TRIM36: variants seen among roughly 807,000 people sequenced by gnomAD.
TRIM36 encodes the protein tripartite motif containing 36, also known as E3 ubiquitin-protein ligase TRIM36.
Under a neutral mutation model 72.4 loss-of-function variants are expected in TRIM36, and 42 were observed. The ratio of observed to expected loss-of-function variants is 0.58; its 90% CI spans 0.45 to 0.75. The LOEUF (loss-of-function observed/expected upper bound fraction) is 0.75, where lower values mean the gene tolerates loss of function less well. Ranked by LOEUF, TRIM36 falls within the 30% of genes least tolerant of loss-of-function variation. The pLI is 0.00. For synonymous variants in TRIM36, 315 were observed against 282.8 expected (o/e 1.11, Z -1.14); for missense variants, 913 against 857.1 (o/e 1.07, Z -0.81).
intron 1 of TRIM36, among the ~76,000 whole-genome samples, chr5:115,178,094 T>G (rs1277482966): frequency 6.6e-6 from 1 of 152,170 alleles, no homozygotes; most frequent in Non-Finnish European, 1.5e-5. Context: ...GTCGGCTTCA[T>G]GGTCACCTGG....
intron 2 of TRIM36, among the ~76,000 whole-genome samples, chr5:115,158,489 C>T (rs1295952500): frequency 6.6e-6 from 1 of 152,150 alleles, no homozygotes; most frequent in Non-Finnish European, 1.5e-5. Context: ...AAACCTCTGC[C>T]GGTTGCATCC....
intron 8 of TRIM36, among the ~76,000 whole-genome samples, chr5:115,131,611 C>T (rs1343061719): frequency 6.6e-6 from 1 of 152,110 alleles, no homozygotes; most frequent in East Asian, 1.9e-4. Flanking sequence ...TATATACATA[C>T]AATGGAATAT....
At chr5:115,163,028 G>A (rs1754567137) in intron 2 of TRIM36, among the ~76,000 whole-genome samples, 1 of 151,560 alleles carries the variant, frequency 6.6e-6, no homozygotes, top group African/African-American at 2.4e-5. Context: ...CGCGATCTCG[G>A]CTCACTGCAA....
chr5:115,148,255 G>T (rs780838671), intron 2 of TRIM36: 95 of 812,596 alleles, frequency 1.2e-4, no homozygotes, highest in Non-Finnish European at 1.3e-4. Context: ...ATAAAACAAT[G>T]AATGACCTTA....
upstream of TRIM36, among the ~76,000 whole-genome samples, chr5:115,174,775 C>G (rs1755262034): frequency 6.6e-6 from 1 of 152,144 alleles, no homozygotes; most frequent in African/African-American, 2.4e-5. Context: ...GTTTTGTCTT[C>G]TCGACCATTT....
intron 2 of TRIM36, among the ~76,000 whole-genome samples, chr5:115,158,842 T>A (rs1384897458): frequency 6.6e-6 from 1 of 152,166 alleles, no homozygotes; most frequent in African/African-American, 2.4e-5. Context: ...CTCAAAAACC[T>A]GTAAGAAAAA....
chr5:115,148,415 CTTTTTTTTTTTTTT>C (rs146223001), intron 2 of TRIM36: 294 of 507,212 alleles, frequency 5.8e-4, no homozygotes, highest in Non-Finnish European at 6.4e-4. Flanking sequence ...TAAATCTGTT[CTTTTTTTTTTTTTT>C]TTTTTTTTTA....
upstream of TRIM36, among the ~76,000 whole-genome samples, chr5:115,172,682 G>C (rs1159365235): frequency 1.3e-5 from 2 of 151,862 alleles, no homozygotes; most frequent in Non-Finnish European, 1.5e-5. Context: ...GTTGCAGTGA[G>C]CCAAGATCGT....
intron 9 of TRIM36, among the ~76,000 whole-genome samples, chr5:115,127,490 A>G (rs1752419911): frequency 6.6e-6 from 1 of 152,184 alleles, no homozygotes; most frequent in Admixed American, 6.5e-5. Context: ...GAACCCAGGA[A>G]GCAGAAGTTG....
At chr5:115,149,000 G>C (rs1377383004) in intron 2 of TRIM36, 1 of 152,148 alleles carries the variant, frequency 6.6e-6, no homozygotes, top group Non-Finnish European at 1.5e-5. Flanking sequence ...TGGAAGTGAT[G>C]TTAATAGCAT....
rs548554163 is a variant in TRIM36 at position 115,169,708 on chromosome 5, G to A, written c.-74C>T. The A allele has an allele frequency of 8.7e-6, 13 of 1,492,674 alleles. 1 individual carries two copies. The East Asian group carries it at 3.1e-4, about 36-fold the overall frequency. 92.5% of individuals were successfully genotyped at this position (1,492,674 alleles called of 1,614,324 possible). A position where few individuals can be genotyped will look rare whatever the true frequency, so the allele number is the denominator to read the frequency against. On this transcript the variant is annotated 5_prime_UTR_variant, in exon 1 of 10. Coordinates refer to ENST00000513154, the MANE Select transcript of TRIM36 (RefSeq NM_001300759.2). ...CTACCGAGCGCAGGGTCTGGTGGGC[G>A]GGTCCCTGCGGCGGCCGTGGAGCCT...
chr5:115,150,745 T>C (rs1169831673), intron 2 of TRIM36, among the ~76,000 whole-genome samples: 2 of 152,106 alleles, frequency 1.3e-5, no homozygotes, highest in Non-Finnish European at 2.9e-5. Flanking sequence ...GAAAGGGAGA[T>C]TGTCTGCCCC....
At chr5:115,180,129 G>A in exon 1 of TRIM36, 1 of 1,286,668 alleles carries the variant, frequency 7.8e-7, no homozygotes, top group Non-Finnish European at 1.1e-6. Flanking sequence ...TCTGAGTTTT[G>A]CCGAGCTCCC....
chr5:115,180,245 G>T (rs1755558911), upstream of TRIM36: 1 of 497,194 alleles, frequency 2.0e-6, no homozygotes, highest in Non-Finnish European at 3.5e-6. Context: ...GCCTCGCCCG[G>T]CTTGCTAGGA....
intron 5 of TRIM36, among the ~76,000 whole-genome samples, chr5:115,140,958 A>T (rs193165716): frequency 6.6e-6 from 1 of 152,298 alleles, no homozygotes; most frequent in African/African-American, 2.4e-5. Context: ...TTTAAAATAT[A>T]ATAAAAATAA....
chr5:115,154,949 G>A (rs1417428970), intron 2 of TRIM36, among the ~76,000 whole-genome samples: 2 of 152,028 alleles, frequency 1.3e-5, no homozygotes, highest in Non-Finnish European at 2.9e-5. Context: ...GAAGGCTGAG[G>A]CAGGCAGATC....
At chr5:115,130,423 T>C (rs534990033) in intron 9 of TRIM36, among the ~76,000 whole-genome samples, 169 bp downstream of exon 9, 4 of 152,308 alleles carry the variant, frequency 2.6e-5, no homozygotes, top group South Asian at 4.1e-4. Flanking sequence ...ACTCTCCTTA[T>C]TCAATGTGTG....
chr5:115,169,353 T>C (rs1022746113), intron 1 of TRIM36, among the ~76,000 whole-genome samples: 1 of 152,208 alleles, frequency 6.6e-6, no homozygotes, highest in Non-Finnish European at 1.5e-5. Flanking sequence ...GGTGCTCAGG[T>C]GGGCAACCAT....
In TRIM36 at chr5:115,180,066, A is replaced by G. The variant is rs894959542; in HGVS notation, c.-29T>C. ...TACACCCCTTCACAAACTCTGGAGG[A>G]CCGACGCGGGTGTATCGAATTTGTC... On this transcript the variant is annotated 5_prime_UTR_variant, in exon 1 of 10. Transcript: ENST00000282369. The G allele has an allele frequency of 5.6e-6, 9 of 1,605,332 alleles. No individual in the cohort carries two copies. The East Asian group carries it at 6.8e-5, about 12-fold the overall frequency.
Sources: gnomAD v4.1 joint callset for allele counts (sites outside exome capture counted in the v4.1 genomes callset) on GRCh38, gnomAD v4.1.1 for gene constraint, MANE v1.5 for transcripts, NCBI Gene and HGNC (gene_info 2026-07-23, HGNC 2026-07-21) for gene names.